SEMA3A: variants seen among roughly 807,000 people sequenced by gnomAD.
SEMA3A encodes semaphorin 3A.
Under a neutral mutation model 97.9 loss-of-function variants are expected in SEMA3A, and 29 were observed. The observed-to-expected ratio is 0.30, with a 90% CI of 0.22 to 0.40. SEMA3A has a LOEUF of 0.40. Ranked by LOEUF, SEMA3A falls within the 10% of genes least tolerant of loss-of-function variation. The probability of loss-of-function intolerance (pLI) is 1.00; values close to 1 mark genes in which losing one functional copy is unlikely to be tolerated. For synonymous variants in SEMA3A, 321 were observed against 323.7 expected (o/e 0.99, Z 0.09); for missense variants, 763 against 951.3 (o/e 0.80, Z 2.60).
intron 1 of SEMA3A, among the ~76,000 whole-genome samples, chr7:84,435,378 C>T (rs1402082712): frequency 6.6e-6 from 1 of 152,032 alleles, no homozygotes; most frequent in Non-Finnish European, 1.5e-5. Context: ...GGGAGGCCAA[C>T]ATGGGCGGAT....
chr7:84,059,139 A>G (rs1395634070), intron 5 of SEMA3A, among the ~76,000 whole-genome samples: 1 of 152,194 alleles, frequency 6.6e-6, no homozygotes, highest in African/African-American at 2.4e-5. Context: ...GTTTAAAACA[A>G]CGTTCAAATT....
At chr7:84,390,636 G>A (rs1014958859) in intron 1 of SEMA3A, among the ~76,000 whole-genome samples, 1 of 152,046 alleles carries the variant, frequency 6.6e-6, no homozygotes, top group African/African-American at 2.4e-5. Context: ...AATAAGTACT[G>A]TGAACTGAAC....
At chr7:84,197,693 A>G (rs1342927147), upstream of SEMA3A, among the ~76,000 whole-genome samples, 1 of 148,814 alleles carries the variant, frequency 6.7e-6, no homozygotes, top group African/African-American at 2.5e-5. Context: ...CTGCATGTGT[A>G]CAATGCAGAT....
intron 1 of SEMA3A, among the ~76,000 whole-genome samples, chr7:84,458,143 T>C (rs752903283): frequency 1.3e-5 from 2 of 152,068 alleles, no homozygotes; most frequent in Non-Finnish European, 2.9e-5. Flanking sequence ...GTTACTCTAA[T>C]CACAGAAGCA....
chr7:84,356,242 T>G (rs1005969769), intron 2 of SEMA3A, among the ~76,000 whole-genome samples: 8 of 151,860 alleles, frequency 5.3e-5, no homozygotes, highest in Admixed American at 4.6e-4. Flanking sequence ...TTATAGTATA[T>G]GCAACACACT....
At chr7:84,427,202 C>T (rs2116308970) in intron 1 of SEMA3A, among the ~76,000 whole-genome samples, 1 of 152,182 alleles carries the variant, frequency 6.6e-6, no homozygotes, top group South Asian at 2.1e-4. Flanking sequence ...GCTCACCTGA[C>T]TGAACCCTCT....
In SEMA3A at chr7:83,963,290, C is replaced by G; in HGVS notation, c.1775G>C (p.Ser592Thr). The G allele has an allele frequency of 6.2e-7, 1 of 1,613,764 alleles. No homozygotes were observed. The highest frequency in any genetic ancestry group is 8.5e-7 in the Non-Finnish European group (1 of 1,179,978). The change falls in exon 16 of 17, where the codon AGC (serine) becomes ACC (threonine). Residue 592 changes from serine to threonine, a missense_variant. By Grantham distance (58) the Ser-to-Thr change is moderately conservative. This residue lies in a region of SEMA3A where 678 missense variants were observed against 881.3 expected (regional missense o/e 0.77). Coordinates refer to ENST00000265362, the MANE Select transcript of SEMA3A (RefSeq NM_006080.3). Reference sequence around the variant, plus strand: ...CTTCGGACTGCATTCCAAAAATGTGCTACTATTCTCTACACCATAGATGAT... The same window carrying G: ...CTTCGGACTGCATTCCAAAAATGTGGTACTATTCTCTACACCATAGATGAT... ...ERIIYGVENS[S>T]TFLECSPKSQ...
At chr7:84,341,458 A>G (rs549214263) in intron 2 of SEMA3A, among the ~76,000 whole-genome samples, 1 of 152,286 alleles carries the variant, frequency 6.6e-6, no homozygotes, top group African/African-American at 2.4e-5. Flanking sequence ...TAAAAAATAA[A>G]TCACAAGCAA....
chr7:84,171,152 T>A (rs73709579), intron 1 of SEMA3A, among the ~76,000 whole-genome samples: 1,564 of 152,212 alleles, frequency 0.01, 20 homozygotes, highest in African/African-American at 0.036. Flanking sequence ...GTTATTTCAA[T>A]TAGAGTACAA....
chr7:84,250,402 T>G lies in SEMA3A; in HGVS notation c.-82-55734A>C, dbSNP rs534870906. Among the ~76,000 whole-genome samples, 7 of 152,272 alleles carry G rather than the reference T, an allele frequency of 4.6e-5. No homozygotes were observed. The South Asian group carries it at 1.4e-3, about 32-fold the overall frequency. On this transcript the variant is annotated intron_variant, in intron 3 of 3. Coordinates refer to the SEMA3A transcript ENST00000424555. ...TGTGCAAGTCAAAATCAAATGACTT[T>G]GACGATCTCAGTCCCAGAATAATAA... is the stretch of plus-strand genomic sequence containing the variant.
intron 1 of SEMA3A, among the ~76,000 whole-genome samples, chr7:84,381,092 TG>T (rs1050610399): frequency 6.6e-6 from 1 of 152,216 alleles, no homozygotes; most frequent in African/African-American, 2.4e-5. Context: ...ACATATAGGA[TG>T]GAATAATTTT....
intron 1 of SEMA3A, among the ~76,000 whole-genome samples, chr7:84,479,272 A>G (rs1404745030): frequency 6.6e-6 from 1 of 152,188 alleles, no homozygotes; most frequent in Non-Finnish European, 1.5e-5. Context: ...TAAGTGCTAT[A>G]TTTACATAGC....
At chr7:84,316,293 A>C (rs1324152917) in intron 2 of SEMA3A, among the ~76,000 whole-genome samples, 2 of 152,014 alleles carry the variant, frequency 1.3e-5, no homozygotes, top group Non-Finnish European at 2.9e-5. Context: ...TTTAAGTTGC[A>C]GTATAATTAT....
intron 6 of SEMA3A, among the ~76,000 whole-genome samples, chr7:84,031,032 C>T (rs1159578031): frequency 4.2e-5 from 5 of 119,348 alleles, no homozygotes; most frequent in African/African-American, 1.3e-4. Flanking sequence ...CTTGCTCTGT[C>T]GCCAGGCTGG....
chr7:84,230,576 C>T (rs866212697), intron 3 of SEMA3A, among the ~76,000 whole-genome samples: 4 of 151,934 alleles, frequency 2.6e-5, no homozygotes, highest in East Asian at 1.9e-4. Context: ...TTAGCTCATG[C>T]GTCTCCTAGG....
intron 1 of SEMA3A, among the ~76,000 whole-genome samples, chr7:84,457,796 C>A (rs1481946162): frequency 6.6e-6 from 1 of 151,898 alleles, no homozygotes; most frequent in African/African-American, 2.4e-5. Flanking sequence ...ATATATTGGT[C>A]AACCAATCTT....
intron 4 of SEMA3A, among the ~76,000 whole-genome samples, chr7:84,085,133 T>C (rs1356335099): frequency 6.6e-6 from 1 of 152,120 alleles, no homozygotes; most frequent in Non-Finnish European, 1.5e-5. Flanking sequence ...AGGATATCTA[T>C]GTAAAGTAAT....
At chr7:84,134,978 G>A (rs1796078925) in intron 1 of SEMA3A, 27 bp from the exon 2 acceptor site, 5 of 1,603,406 alleles carry the variant, frequency 3.1e-6, no homozygotes, top group Non-Finnish European at 4.3e-6. Context: ...CAAAACATTG[G>A]GTATTAATGT....
At chr7:84,159,037 A>T (rs79066193) in intron 1 of SEMA3A, among the ~76,000 whole-genome samples, 1 of 151,924 alleles carries the variant, frequency 6.6e-6, no homozygotes, top group Non-Finnish European at 1.5e-5. Flanking sequence ...AAAAAAAAAA[A>T]CCTTCATGTT....
Sources: allele counts gnomAD v4.1 joint callset (sites outside exome capture counted in the v4.1 genomes callset), GRCh38; gene constraint gnomAD v4.1.1; regional missense constraint gnomAD v4.1.1; transcripts MANE v1.5; gene names NCBI Gene and HGNC (gene_info 2026-07-23, HGNC 2026-07-21).